DUSP14: variants seen among roughly 807,000 people sequenced by gnomAD.
The protein encoded by DUSP14 is dual specificity protein phosphatase 14.
A neutral mutation model predicts 13.2 loss-of-function variants in DUSP14; 5 were observed. The observed-to-expected ratio is 0.38, with a 90% confidence interval of 0.20 to 0.80. The LOEUF (loss-of-function observed/expected upper bound fraction) is 0.80. Among genes scored for constraint, DUSP14 ranks in the 30% least tolerant of loss-of-function variants. The pLI is 0.44. For missense variants in DUSP14, 185 were observed against 264.0 expected, an observed-to-expected ratio of 0.70 and a Z score of 2.07; for synonymous variants, 91 against 103.4, an observed-to-expected ratio of 0.88 and a Z score of 0.73.
intron 1 of DUSP14, among the ~76,000 whole-genome samples, chr17:37,509,160 CACACACACTCTA>C (rs1271867852): frequency 0.035 from 1,916 of 55,504 alleles, 324 homozygotes; most frequent in African/African-American, 0.096. Context: ...CACACACACA[CACACACACTCTA>C]TATATATATG....
At chr17:37,499,383 A>G (rs1269059263) in intron 1 of DUSP14, among the ~76,000 whole-genome samples, 1 of 152,084 alleles carries the variant, frequency 6.6e-6, no homozygotes, top group Non-Finnish European at 1.5e-5. Flanking sequence ...TGTTTGGCTC[A>G]GTCTGGAGTA....
chr17:37,512,686 C>T lies in DUSP14; in HGVS notation c.414C>T (p.Tyr138=), dbSNP rs1206727412. Residue 138 remains tyrosine (Y), a synonymous_variant, in exon 3 of 3, where the codon TAC becomes TAT. Transcript: ENST00000617516. The surrounding 1 kb of genome is among the most constrained non-coding windows in gnomAD (Gnocchi z 4.8). ...ACAACGTGTGCCTGCTGGAGGCGTA[C>T]AACTGGGTGAAAGCCCGGCGACCTG... ...KFHNVCLLEA[Y]NWVKARRPVI... 1.4e-5 allele frequency: 23 copies of T among 1,613,972 alleles called. No homozygotes were observed. Among genetic ancestry groups the T allele is most frequent in the Non-Finnish European group, 1.9e-5 (23 of 1,180,032 alleles).
chr17:37,505,811 C>T (rs552720524), intron 1 of DUSP14, among the ~76,000 whole-genome samples: 1 of 152,252 alleles, frequency 6.6e-6, no homozygotes, highest in South Asian at 2.1e-4. Flanking sequence ...ATCCCAGGAG[C>T]TCTGTGGAGC....
Position 37,512,697 on chromosome 17 carries a change from A to G in DUSP14, c.425A>G (p.Lys142Arg), listed in dbSNP as rs755064212. ...VCLLEAYNWV[K>R]ARRPVIRPNV... Reference sequence around the variant, plus strand: ...CTGCTGGAGGCGTACAACTGGGTGAAAGCCCGGCGACCTGTCATCAGGCCC... The same window carrying G: ...CTGCTGGAGGCGTACAACTGGGTGAGAGCCCGGCGACCTGTCATCAGGCCC... Residue 142 changes from lysine to arginine, a missense_variant, in exon 3 of 3, where the codon AAA (lysine) becomes AGA (arginine). Transcript: ENST00000617516. The surrounding 1 kb of genome is among the most constrained non-coding windows in gnomAD (Gnocchi z 4.8). The G allele has an allele frequency of 2.5e-6, 4 of 1,614,098 alleles. No homozygotes were observed.
intron 1 of DUSP14, among the ~76,000 whole-genome samples, chr17:37,500,637 A>G (rs1346059247): frequency 6.6e-6 from 1 of 152,216 alleles, no homozygotes; most frequent in Non-Finnish European, 1.5e-5. Flanking sequence ...ATAACAGTTT[A>G]TCATTTAACC....
rs1365592079 is a variant in DUSP14, at chr17:37,500,894, A to T, written c.-180-9783A>T. 1.1e-4 allele frequency among the ~76,000 whole-genome samples: 16 copies of T among 152,094 alleles called. 1 individual carries two copies. Reference sequence around the variant, plus strand: ...CGTAAAGCACAATCACATCGACCTGACCTTATGTTCCTTAACTCCTTTCTT... The same window carrying T: ...CGTAAAGCACAATCACATCGACCTGTCCTTATGTTCCTTAACTCCTTTCTT... On this transcript the variant is annotated intron_variant, in intron 1 of 2. Coordinates refer to ENST00000617516, the MANE Select transcript of DUSP14 (RefSeq NM_007026.4).
intron 1 of DUSP14, among the ~76,000 whole-genome samples, chr17:37,496,487 A>G (rs11870754): frequency 0.71 from 108,107 of 151,606 alleles, 39,047 homozygotes; most frequent in East Asian, 0.97. Context: ...CGGGCACGGT[A>G]GCTCATGCCT....
intron 1 of DUSP14, among the ~76,000 whole-genome samples, chr17:37,503,975 C>G (rs899430226): frequency 6.6e-6 from 1 of 152,112 alleles, no homozygotes; most frequent in African/African-American, 2.4e-5. Context: ...GGGCAGATCA[C>G]CTGAGGTCAG....
chr17:37,502,674 G>A (rs1201301172), intron 1 of DUSP14, among the ~76,000 whole-genome samples: 1 of 152,036 alleles, frequency 6.6e-6, no homozygotes, highest in Non-Finnish European at 1.5e-5. Flanking sequence ...TAGTGGTTGA[G>A]CTTGGGTATC....
At chr17:37,499,569 C>T (rs769252758) in intron 1 of DUSP14, among the ~76,000 whole-genome samples, 10 of 152,112 alleles carry the variant, frequency 6.6e-5, no homozygotes, top group Non-Finnish European at 1.0e-4. Flanking sequence ...CGCTCTTTCA[C>T]GCAGGCTGGA....
At chr17:37,506,778 C>T (rs1395876693) in intron 1 of DUSP14, among the ~76,000 whole-genome samples, 1 of 152,162 alleles carries the variant, frequency 6.6e-6, no homozygotes, top group Non-Finnish European at 1.5e-5. Context: ...TGAGGTCCAC[C>T]CTCTGCAGCC....
rs1357006343 is a variant in DUSP14 at position 37,512,767 on chromosome 17, C to T, written c.495C>T (p.Leu165=). 1.2e-5 allele frequency: 20 copies of T among 1,613,736 alleles called. No homozygotes were observed. The highest frequency in any genetic ancestry group is 1.7e-5 in the Non-Finnish European group (20 of 1,180,044). ...WRQLIDYERQ[L]FGKSTVKMVQ... is the part of the protein sequence containing the mutation. ...AACTGATAGACTACGAGCGCCAGCT[C>T]TTTGGGAAGTCGACAGTTAAAATGG... is the stretch of plus-strand genomic sequence containing the variant. Residue 165 remains leucine, a synonymous_variant, in exon 3 of 3, where the codon CTC becomes CTT. Transcript: ENST00000617516. The surrounding 1 kb of genome is among the most constrained non-coding windows in gnomAD (Gnocchi z 4.8).
chr17:37,498,628 G>C (rs1304523047), intron 1 of DUSP14, among the ~76,000 whole-genome samples: 1 of 151,292 alleles, frequency 6.6e-6, no homozygotes, highest in African/African-American at 2.4e-5. Flanking sequence ...ACCCGGCCTA[G>C]ATTGTATCTT....
At chr17:37,497,430 C>T (rs957793643) in intron 1 of DUSP14, among the ~76,000 whole-genome samples, 1 of 152,130 alleles carries the variant, frequency 6.6e-6, no homozygotes, top group Non-Finnish European at 1.5e-5. Context: ...CATGCGCTAC[C>T]GCGCCCTGCC....
chr17:37,502,198 T>C (rs1459538692), intron 1 of DUSP14, among the ~76,000 whole-genome samples: 1 of 152,156 alleles, frequency 6.6e-6, no homozygotes, highest in East Asian at 1.9e-4. Flanking sequence ...TGTTTTTTTT[T>C]TAAGACAGAG....
chr17:37,512,239 C>A lies in DUSP14; in HGVS notation c.-34C>A. The A allele has an allele frequency of 1.3e-6, 2 of 1,540,588 alleles. No individual in the cohort carries two copies. The highest frequency in any genetic ancestry group is 1.2e-5 in the South Asian group (1 of 80,652). On this transcript the variant is annotated 5_prime_UTR_variant, in exon 3 of 3. Transcript: ENST00000617516. The surrounding 1 kb of genome is among the most constrained non-coding windows in gnomAD (Gnocchi z 4.8). Reference sequence around the variant, plus strand: ...GGAAAATAAAACACTCTGGTCTTGCCGCCAACGATGCAAGTGTGACTGCTG... The same window carrying A: ...GGAAAATAAAACACTCTGGTCTTGCAGCCAACGATGCAAGTGTGACTGCTG...
intron 1 of DUSP14, among the ~76,000 whole-genome samples, chr17:37,502,999 G>C (rs1168200659): frequency 6.6e-6 from 1 of 152,116 alleles, no homozygotes; most frequent in African/African-American, 2.4e-5. Flanking sequence ...GCCTCCCAAA[G>C]TGCTGGGATT....
At chr17:37,489,877 G>C (rs2054013877), upstream of DUSP14, 1 of 147,886 alleles carries the variant, frequency 6.8e-6, no homozygotes, top group Non-Finnish European at 1.5e-5. Flanking sequence ...GGCGGCGCGC[G>C]CGGCGCCCAG....
chr17:37,511,937 A>AGTTTTTTTTTGTTTTTT (rs1329764853), intron 2 of DUSP14, among the ~76,000 whole-genome samples: 1 of 16,442 alleles, frequency 6.1e-5, no homozygotes, highest in African/African-American at 2.1e-4. Context: ...CCCCCACCCC[A>AGTTTTTTTTTGTTTTTT]CTTTTTTTTT....
Sources: gnomAD v4.1 joint callset for allele counts (sites outside exome capture counted in the v4.1 genomes callset) on GRCh38, gnomAD v4.1.1 for gene constraint, Gnocchi (gnomAD v3.1) non-coding constraint, MANE v1.5 for transcripts, NCBI Gene and HGNC (gene_info 2026-07-23, HGNC 2026-07-21) for gene names.